Variants in GRM4 observed in about 807,000 individuals in gnomAD.
GRM4 encodes the protein glutamate metabotropic receptor 4.
In GRM4, 28 loss-of-function variants were observed where a neutral mutation model predicts 81.7. The ratio of observed to expected loss-of-function variants is 0.34; its 90% confidence interval spans 0.25 to 0.47. The LOEUF is 0.47. Among genes scored for constraint, GRM4 ranks in the 20% least tolerant of loss-of-function variants. The pLI is 1.00. For synonymous variants in GRM4, 488 were observed against 528.8 expected (o/e 0.92, Z 1.06); for missense variants, 948 against 1,290.0 (o/e 0.73, Z 4.06).
Position 34,036,047 on chromosome 6 carries a change from A to C in GRM4, c.2063T>G (p.Val688Gly), listed in dbSNP as rs747839548. The change falls in exon 9 of 11, where the codon GTC (valine) becomes GGC (glycine). Residue 688 changes from valine (V) to glycine (G), a missense_variant. By Grantham distance (109) the Val-to-Gly change is moderately radical. Transcript: ENST00000538487. The surrounding 1 kb of genome is among the most constrained non-coding windows in gnomAD (Gnocchi z 9.0). ...YRIFEQGKRSVSAPRFISPAS... is the reference protein window; with the variant it reads ...YRIFEQGKRSGSAPRFISPAS... ...GGGGCTGATGAAGCGTGGGGCACTG[A>C]CCGAGCGCTTGCCCTGCTCGAAGAT... is the stretch of plus-strand genomic sequence containing the variant. 2 of 1,614,114 alleles carry C rather than the reference A, an allele frequency of 1.2e-6. No individual in the cohort carries two copies. Among genetic ancestry groups the C allele is most frequent in the Non-Finnish European group, 1.7e-6 (2 of 1,180,012 alleles).
intron 3 of GRM4, among the ~76,000 whole-genome samples, chr6:34,086,382 C>T (rs1302773465): frequency 6.6e-6 from 1 of 152,186 alleles, no homozygotes; most frequent in African/African-American, 2.4e-5. Flanking sequence ...CCAGCAACAG[C>T]TTGACTCACC....
intron 2 of GRM4, chr6:34,110,958 C>T (rs901346950): frequency 3.7e-6 from 3 of 809,616 alleles, no homozygotes; most frequent in Non-Finnish European, 4.9e-6. Flanking sequence ...AACGCTGTGC[C>T]CCACAGACTG....
intron 10 of GRM4, among the ~76,000 whole-genome samples, 186 bp from the exon 11 acceptor site, chr6:34,023,056 T>G (rs552690962): frequency 6.6e-6 from 1 of 152,368 alleles, no homozygotes; most frequent in South Asian, 2.1e-4. Context: ...ACCCGGTTGC[T>G]TCTCCTGCTG....
chr6:34,027,671 A>G (rs1764199008), intron 10 of GRM4, among the ~76,000 whole-genome samples: 1 of 152,186 alleles, frequency 6.6e-6, no homozygotes, highest in Admixed American at 6.5e-5. Context: ...CCAAAGGGCC[A>G]GTGTGCAGGG....
chr6:34,051,180 C>T (rs546043468), intron 6 of GRM4, among the ~76,000 whole-genome samples: 6 of 152,114 alleles, frequency 3.9e-5, no homozygotes, highest in Non-Finnish European at 8.8e-5. Context: ...CTGGTCTAAG[C>T]AAAATGTCTC....
chr6:34,038,636 G>A (rs75635731), intron 8 of GRM4, among the ~76,000 whole-genome samples: 6,380 of 152,010 alleles, frequency 0.042, 246 homozygotes, highest in African/African-American at 0.098. Flanking sequence ...AGCCACTCAC[G>A]GAGAAAGTGG....
At chr6:34,116,046 G>C (rs905789124) in intron 2 of GRM4, among the ~76,000 whole-genome samples, 3 of 152,192 alleles carry the variant, frequency 2.0e-5, no homozygotes, top group Non-Finnish European at 4.4e-5. Flanking sequence ...AGAAAAAGCT[G>C]ACAGATCCTT....
At position 34,136,360 on chromosome 6, in the gene GRM4, T is replaced by A. The variant is rs1770453335; in HGVS notation, c.-363-2501A>T. Among the ~76,000 whole-genome samples the A allele has an allele frequency of 6.6e-6, 1 of 152,044 alleles. No homozygotes were observed. The highest frequency in any genetic ancestry group is 6.5e-5 in the Admixed American group (1 of 15,278). On this transcript the variant is annotated intron_variant, in intron 1 of 10. Coordinates refer to ENST00000538487, the MANE Select transcript of GRM4 (RefSeq NM_000841.4). This position sits in a 1 kb window ranked among gnomAD's most constrained non-coding sequence, Gnocchi z 4.1. ...CCTGTGAGTTTATGATCGGTTTCCA[T>A]GAATTTCAAACAGAGGGCTTTTTGG...
At chr6:34,044,929 GACAC>G (rs552862099) in intron 6 of GRM4, among the ~76,000 whole-genome samples, 3 of 142,340 alleles carry the variant, frequency 2.1e-5, no homozygotes, top group Non-Finnish European at 4.5e-5. Flanking sequence ...TATATACACA[GACAC>G]ACACACACAT....
At chr6:34,125,130 C>T (rs1369084833) in intron 2 of GRM4, among the ~76,000 whole-genome samples, 6 of 152,202 alleles carry the variant, frequency 3.9e-5, no homozygotes, top group Admixed American at 6.5e-5. Flanking sequence ...CCCGCCACCA[C>T]ACCCAGCTAA....
At chr6:34,091,543 C>A in intron 3 of GRM4, 1 of 286,762 alleles carries the variant, frequency 3.5e-6, no homozygotes, top group South Asian at 6.8e-5. Flanking sequence ...GAGTCCCTGA[C>A]AGCCCTCTAA....
Position 34,092,131 on chromosome 6 carries a change from G to T in GRM4, c.520-32C>A. ...GGCGAGAGGGGCTGCTGAGGGTGGC[G>T]ACTGGCTCCCCACCCTGCCTAGCCA... On this transcript the variant is annotated intron_variant, in intron 2 of 10. Coordinates refer to ENST00000538487, the MANE Select transcript of GRM4 (RefSeq NM_000841.4). This position sits in a 1 kb window ranked among gnomAD's most constrained non-coding sequence, Gnocchi z 6.8. 2 of 1,470,644 alleles carry T rather than the reference G, an allele frequency of 1.4e-6. No homozygotes were observed. The highest frequency in any genetic ancestry group is 1.9e-6 in the Non-Finnish European group (2 of 1,062,314). The allele number at this position is 1,470,644 out of a possible 1,614,324, so 91.1% of individuals were successfully genotyped here.
chr6:34,133,586 G>T lies in GRM4; in HGVS notation c.-90C>A. ...CACGGCCTGGGTGGGCATGGGCAGG[G>T]CAGCTTCAGCAGCAGGGGGACTGAG... On this transcript the variant is annotated 5_prime_UTR_variant, in exon 2 of 11. Coordinates refer to ENST00000538487, the MANE Select transcript of GRM4 (RefSeq NM_000841.4). The surrounding 1 kb of genome is among the most constrained non-coding windows in gnomAD (Gnocchi z 6.5). The T allele has an allele frequency of 6.7e-7, 1 of 1,481,916 alleles. No individual in the cohort carries two copies. The allele number at this position is 1,481,916 out of a possible 1,614,324, so 91.8% of individuals were successfully genotyped here. A position where few individuals can be genotyped will look rare whatever the true frequency, so the allele number is the denominator to read the frequency against.
chr6:34,038,509 C>T (rs1764828542), intron 8 of GRM4, among the ~76,000 whole-genome samples: 1 of 152,200 alleles, frequency 6.6e-6, no homozygotes, highest in South Asian at 2.1e-4. Context: ...CAAGAAGGTC[C>T]AGGGTACCAG....
At position 34,068,136 on chromosome 6, in the gene GRM4, G is replaced by A. The variant is rs1264974586; in HGVS notation, c.737-6108C>T. Among the ~76,000 whole-genome samples, 1 of 152,226 alleles carries A rather than the reference G, an allele frequency of 6.6e-6. No individual in the cohort carries two copies. Among genetic ancestry groups the A allele is most frequent in the Non-Finnish European group, 1.5e-5 (1 of 68,028 alleles). ...ATCGGTGCAGAGGAGGACAGCAGCA[G>A]CATGACGTGCTGGAGGGAGACGGGG... On this transcript the variant is annotated intron_variant, in intron 3 of 10. Coordinates refer to ENST00000538487, the MANE Select transcript of GRM4 (RefSeq NM_000841.4). The surrounding 1 kb of genome is among the most constrained non-coding windows in gnomAD (Gnocchi z 4.2).
intron 9 of GRM4, among the ~76,000 whole-genome samples, chr6:34,031,750 C>T (rs1306559155): frequency 6.6e-6 from 1 of 152,214 alleles, no homozygotes; most frequent in East Asian, 1.9e-4. Flanking sequence ...GAAATCCAGC[C>T]GCCTGCTCAC....
At chr6:34,140,227 G>A (rs921308393) in intron 1 of GRM4, among the ~76,000 whole-genome samples, 5 of 152,182 alleles carry the variant, frequency 3.3e-5, no homozygotes, top group Admixed American at 6.5e-5. Flanking sequence ...CAAAGAGAAA[G>A]AACAGCAAGT....
intron 2 of GRM4, among the ~76,000 whole-genome samples, chr6:34,126,789 C>T (rs753459203): frequency 2.6e-5 from 4 of 152,164 alleles, no homozygotes; most frequent in Non-Finnish European, 4.4e-5. Context: ...GTCCATTTGG[C>T]GAGGGTTTCC....
rs1561805781 is a variant in GRM4, at chr6:34,090,890, CA to C, written c.736+992del. Among the ~76,000 whole-genome samples, 2 of 152,048 alleles carry C rather than the reference CA, an allele frequency of 1.3e-5. No individual in the cohort carries two copies. The highest frequency in any genetic ancestry group is 1.3e-4 in the Admixed American group (2 of 15,276). On this transcript the variant is annotated intron_variant, in intron 3 of 10. Coordinates refer to ENST00000538487, the MANE Select transcript of GRM4 (RefSeq NM_000841.4). The surrounding 1 kb of genome is among the most constrained non-coding windows in gnomAD (Gnocchi z 5.2). ...GTAGAGGCAGGGCCTTGGGAGAGAC[CA>C]GGGGCAGGGCAGACGGGCCCTCTCT...
Sources: allele counts gnomAD v4.1 joint callset (sites outside exome capture counted in the v4.1 genomes callset), GRCh38; gene constraint gnomAD v4.1.1; non-coding constraint Gnocchi (gnomAD v3.1); transcripts MANE v1.5; gene names NCBI Gene and HGNC (gene_info 2026-07-23, HGNC 2026-07-21).